The following CNTN3 variants were observed in gnomAD, a reference collection of about 807,000 sequenced individuals.
The protein encoded by CNTN3 is contactin-3.
Under a neutral mutation model 119.1 loss-of-function variants are expected in CNTN3, and 60 were observed. The observed-to-expected ratio is 0.50, with a 90% CI of 0.41 to 0.62. CNTN3 has a LOEUF of 0.62. Ranked by LOEUF, CNTN3 falls within the 20% of genes least tolerant of loss-of-function variation. The probability of loss-of-function intolerance (pLI) is 0.00; values close to 1 mark genes in which losing one functional copy is unlikely to be tolerated. For synonymous variants in CNTN3, 450 were observed against 438.7 expected (o/e 1.03, Z -0.32); for missense variants, 1,101 against 1,242.4 (o/e 0.89, Z 1.71).
intron 13 of CNTN3, among the ~76,000 whole-genome samples, chr3:74,321,852 T>A (rs992717659): frequency 2.6e-5 from 4 of 152,162 alleles, no homozygotes; most frequent in African/African-American, 9.7e-5. Context: ...AATAAGTAGA[T>A]AACACAAATA....
chr3:74,329,287 G>C (rs1365070803), intron 13 of CNTN3, among the ~76,000 whole-genome samples: 4 of 152,100 alleles, frequency 2.6e-5, no homozygotes, highest in Non-Finnish European at 5.9e-5. Context: ...CCATTTAAAT[G>C]AATGGCAGAT....
At chr3:74,418,635 C>A (rs1169874476) in intron 5 of CNTN3, among the ~76,000 whole-genome samples, 2 of 151,908 alleles carry the variant, frequency 1.3e-5, no homozygotes, top group Non-Finnish European at 2.9e-5. Context: ...GCCACCGTGC[C>A]CAGCTAGAAA....
At chr3:74,463,672 A>G (rs752020645) in intron 4 of CNTN3, among the ~76,000 whole-genome samples, 16 of 152,210 alleles carry the variant, frequency 1.1e-4, no homozygotes, top group Non-Finnish European at 2.1e-4. Flanking sequence ...TTCTTGGTCA[A>G]TCATTTAAGC....
intron 2 of CNTN3, among the ~76,000 whole-genome samples, chr3:74,516,366 C>T (rs137996533): frequency 2.0e-4 from 30 of 150,318 alleles, no homozygotes; most frequent in Non-Finnish European, 3.8e-4. Flanking sequence ...CCAGTCTACT[C>T]AATGTGAAGA....
chr3:74,480,157 G>A (rs1702737696), intron 4 of CNTN3, among the ~76,000 whole-genome samples: 1 of 151,958 alleles, frequency 6.6e-6, no homozygotes, highest in African/African-American at 2.4e-5. Context: ...TGAATCAACT[G>A]GAAACTGGTT....
At chr3:74,292,744 G>T (rs1018358433) in intron 19 of CNTN3, among the ~76,000 whole-genome samples, 3 of 152,148 alleles carry the variant, frequency 2.0e-5, no homozygotes, top group African/African-American at 7.2e-5. Context: ...AACACAGCTG[G>T]CAAGTGGTAG....
At chr3:74,391,588 G>C (rs1458814597) in intron 5 of CNTN3, among the ~76,000 whole-genome samples, 1 of 108,938 alleles carries the variant, frequency 9.2e-6, no homozygotes, top group African/African-American at 3.8e-5. Context: ...TTTTGAGACA[G>C]AGGAGTCTTG....
At chr3:74,538,724 G>C (rs1410349881) in intron 1 of CNTN3, among the ~76,000 whole-genome samples, 1 of 152,108 alleles carries the variant, frequency 6.6e-6, no homozygotes, top group Non-Finnish European at 1.5e-5. Context: ...GTGCTTTTCT[G>C]TGAAGTAAGC....
intron 4 of CNTN3, among the ~76,000 whole-genome samples, chr3:74,438,080 T>C (rs1701901884): frequency 6.6e-6 from 1 of 152,208 alleles, no homozygotes; most frequent in South Asian, 2.1e-4. Flanking sequence ...CTTTCCAATG[T>C]GGAAACAAAG....
At chr3:74,310,813 T>C (rs528936042) in intron 13 of CNTN3, among the ~76,000 whole-genome samples, 2 of 152,262 alleles carry the variant, frequency 1.3e-5, no homozygotes, top group African/African-American at 4.8e-5. Context: ...GGATAAGATA[T>C]GTTGCTACAG....
intron 5 of CNTN3, among the ~76,000 whole-genome samples, chr3:74,394,111 G>A (rs1038749119): frequency 1.3e-5 from 2 of 152,158 alleles, no homozygotes; most frequent in South Asian, 2.1e-4. Flanking sequence ...CTGTGGAGAT[G>A]CTCAACTCAA....
chr3:74,265,813 G>A (rs1241744238), intron 22 of CNTN3, among the ~76,000 whole-genome samples: 1 of 152,110 alleles, frequency 6.6e-6, no homozygotes, highest in East Asian at 1.9e-4. Flanking sequence ...AGTCAAAATG[G>A]ACTCTACAAT....
intron 20 of CNTN3, among the ~76,000 whole-genome samples, chr3:74,281,302 T>C (rs1702002687): frequency 6.6e-6 from 1 of 152,046 alleles, no homozygotes; most frequent in South Asian, 2.1e-4. Context: ...GTGTCAGCAG[T>C]GTAAGATGTG....
chr3:74,430,808 A>T (rs1353622584), intron 4 of CNTN3, among the ~76,000 whole-genome samples: 1 of 152,166 alleles, frequency 6.6e-6, no homozygotes, highest in Non-Finnish European at 1.5e-5. Flanking sequence ...AATATGAATT[A>T]AAAAATAATA....
At position 74,564,709 on chromosome 3, in the gene CNTN3, G is replaced by C. The variant is rs76352013; in HGVS notation, c.-80-43517C>G. Among the ~76,000 whole-genome samples, 1,044 of 152,026 alleles carry C rather than the reference G, an allele frequency of 6.9e-3. 11 individuals carry two copies. The highest frequency in any genetic ancestry group is 0.024 in the African/African-American group (1,000 of 41,462). On this transcript the variant is annotated intron_variant, in intron 1 of 22. Coordinates refer to ENST00000263665, the MANE Select transcript of CNTN3 (RefSeq NM_020872.3). Reference sequence around the variant, plus strand: ...CTGATATTCATGATACAAGCTGTGAGGTTCATGGTGTTCTTAATGTTCTTG... The same window carrying C: ...CTGATATTCATGATACAAGCTGTGACGTTCATGGTGTTCTTAATGTTCTTG...
chr3:74,289,347 C>G (rs1276865595), intron 19 of CNTN3, among the ~76,000 whole-genome samples: 2 of 152,130 alleles, frequency 1.3e-5, no homozygotes, highest in African/African-American at 2.4e-5. Flanking sequence ...TTTGGACATT[C>G]TATTTGCTAC....
intron 4 of CNTN3, among the ~76,000 whole-genome samples, chr3:74,467,046 G>A (rs1232246794): frequency 2.6e-5 from 4 of 151,936 alleles, no homozygotes; most frequent in African/African-American, 9.7e-5. Context: ...TTGGGATTTT[G>A]AAATTAAAGT....
intron 6 of CNTN3, 80 bp downstream of exon 6, chr3:74,371,116 T>G (rs1704327283): frequency 1.0e-6 from 1 of 991,044 alleles, no homozygotes; most frequent in Admixed American, 2.1e-5. Context: ...TAGATGTACT[T>G]TTTACATTTT....
At chr3:74,448,539 C>G (rs1406217147) in intron 4 of CNTN3, among the ~76,000 whole-genome samples, 2 of 152,090 alleles carry the variant, frequency 1.3e-5, no homozygotes. Context: ...GCTCTAAAGA[C>G]AGAATGACAC....
Sources: gnomAD v4.1 joint callset for allele counts (sites outside exome capture counted in the v4.1 genomes callset) on GRCh38, gnomAD v4.1.1 for gene constraint, MANE v1.5 for transcripts, NCBI Gene and HGNC (gene_info 2026-07-23, HGNC 2026-07-21) for gene names.